The following PREX2 variants were observed in gnomAD, a reference collection of about 807,000 sequenced individuals.
The protein encoded by PREX2 is phosphatidylinositol-3,4,5-trisphosphate dependent Rac exchange factor 2.
In PREX2, 107 loss-of-function variants were observed where a neutral mutation model predicts 203.2. The ratio of observed to expected loss-of-function variants is 0.53; its 90% CI spans 0.45 to 0.62. The LOEUF is 0.62. Among genes scored for constraint, PREX2 ranks in the 20% least tolerant of loss-of-function variants. The probability of loss-of-function intolerance (pLI) is 0.00; values close to 1 mark genes in which losing one functional copy is unlikely to be tolerated. For synonymous variants in PREX2, 672 were observed against 663.6 expected, an observed-to-expected ratio of 1.01 and a Z score of -0.19; for missense variants, 1,777 against 1,955.9, an observed-to-expected ratio of 0.91 and a Z score of 1.72.
At chr8:68,054,958 T>C (rs1410239189) in intron 9 of PREX2, among the ~76,000 whole-genome samples, 1 of 152,240 alleles carries the variant, frequency 6.6e-6, no homozygotes, top group Non-Finnish European at 1.5e-5. Context: ...ATCTTATCAA[T>C]AGTGCCTCCT....
At chr8:68,072,181 G>A (rs536247587) in intron 13 of PREX2, among the ~76,000 whole-genome samples, 121 of 152,202 alleles carry the variant, frequency 7.9e-4, no homozygotes, top group African/African-American at 2.8e-3. Flanking sequence ...TGTTAAGTGT[G>A]GACTTACTAT....
intron 34 of PREX2, among the ~76,000 whole-genome samples, chr8:68,151,477 C>T (rs114284607): frequency 0.011 from 1,731 of 152,186 alleles, 36 homozygotes; most frequent in African/African-American, 0.04. Context: ...AGGACTTTGT[C>T]ATCTCTTTTT....
intron 35 of PREX2, among the ~76,000 whole-genome samples, chr8:68,165,514 A>C (rs1037433272): frequency 1.3e-5 from 2 of 152,018 alleles, no homozygotes; most frequent in Admixed American, 6.6e-5. Flanking sequence ...CATTCCCCAG[A>C]ACCAGAAGTT....
At chr8:68,057,079 G>T (rs1808700688) in intron 10 of PREX2, among the ~76,000 whole-genome samples, 1 of 152,094 alleles carries the variant, frequency 6.6e-6, no homozygotes. Context: ...CACGTGTCAG[G>T]GGAGGCAACT....
At chr8:68,175,671 T>C (rs1166220035) in intron 35 of PREX2, among the ~76,000 whole-genome samples, 2 of 152,144 alleles carry the variant, frequency 1.3e-5, no homozygotes, top group African/African-American at 4.8e-5. Context: ...GTGTTCCTGC[T>C]CTCATAATGA....
intron 8 of PREX2, among the ~76,000 whole-genome samples, chr8:68,050,526 C>G (rs1279801871): frequency 6.6e-6 from 1 of 152,196 alleles, no homozygotes; most frequent in African/African-American, 2.4e-5. Flanking sequence ...TATCCAATCT[C>G]CTCCCACCAG....
At chr8:68,057,221 G>A (rs191803780) in intron 10 of PREX2, among the ~76,000 whole-genome samples, 6 of 152,188 alleles carry the variant, frequency 3.9e-5, no homozygotes, top group Admixed American at 2.6e-4. Context: ...ACCTGCTGCC[G>A]TGTAAGGTGT....
chr8:68,016,316 G>A (rs1253037212), intron 1 of PREX2, among the ~76,000 whole-genome samples: 10 of 151,644 alleles, frequency 6.6e-5, no homozygotes, highest in African/African-American at 1.7e-4. Flanking sequence ...TATGTATGTA[G>A]CAAATATGCC....
chr8:67,970,993 G>T (rs1805910189), intron 1 of PREX2, among the ~76,000 whole-genome samples: 1 of 152,286 alleles, frequency 6.6e-6, no homozygotes, highest in Non-Finnish European at 1.5e-5. Flanking sequence ...TGTTGAAAAG[G>T]TTGTCCCATT....
At chr8:68,026,946 A>C (rs1055741355) in intron 4 of PREX2, among the ~76,000 whole-genome samples, 1 of 152,024 alleles carries the variant, frequency 6.6e-6, no homozygotes, top group African/African-American at 2.4e-5. Context: ...CCATTCATTC[A>C]TCTCTCCATC....
At chr8:68,074,784 C>T (rs372768968) in intron 14 of PREX2, among the ~76,000 whole-genome samples, 4 of 152,084 alleles carry the variant, frequency 2.6e-5, no homozygotes, top group East Asian at 1.9e-4. Context: ...TTGATTTGGA[C>T]GGTTTTAGAA....
intron 23 of PREX2, chr8:68,106,324 T>A (rs1462648038): frequency 1.9e-6 from 1 of 514,960 alleles, no homozygotes; most frequent in Admixed American, 2.0e-5. Context: ...AAACTCTATG[T>A]CCCATATAAG....
intron 23 of PREX2, chr8:68,105,272 CTT>C (rs1337824059): frequency 7.3e-7 from 1 of 1,367,794 alleles, no homozygotes; most frequent in Non-Finnish European, 9.8e-7. Flanking sequence ...CTCCTCCTCT[CTT>C]AGGAATATCC....
intron 34 of PREX2, among the ~76,000 whole-genome samples, chr8:68,152,289 G>GAAAAT (rs1811451800): frequency 1.4e-5 from 1 of 72,920 alleles, no homozygotes; most frequent in Non-Finnish European, 2.4e-5. Context: ...CCCTCTCAGA[G>GAAAAT]AAAAAAAAAA....
chr8:67,991,852 A>T (rs542197688), intron 1 of PREX2, among the ~76,000 whole-genome samples: 41 of 152,344 alleles, frequency 2.7e-4, no homozygotes, highest in African/African-American at 9.4e-4. Flanking sequence ...TGGGCCCAGT[A>T]CAGTCAGGAT....
chr8:68,189,183 A>G (rs2129614605), intron 35 of PREX2, among the ~76,000 whole-genome samples: 1 of 152,344 alleles, frequency 6.6e-6, no homozygotes, highest in South Asian at 2.1e-4. Context: ...CTACATAAGT[A>G]CCTGTACAAT....
chr8:68,045,101 A>G (rs1316577439), intron 8 of PREX2, among the ~76,000 whole-genome samples: 2 of 152,056 alleles, frequency 1.3e-5, no homozygotes, highest in Non-Finnish European at 2.9e-5. Context: ...TAAATATCTT[A>G]TTACTCAAAG....
rs748493397 is a variant in PREX2 at position 68,055,983 on chromosome 8, G to C, written c.1238+9G>C. ...AAATGCTTTCTTGGAAGGTAGGGTT[G>C]GGAGTTTGGGTGCATGACTTTCTTT... On this transcript the variant is annotated intron_variant, in intron 10 of 39. Transcript: ENST00000288368. 6.2e-7 allele frequency: 1 copy of C among 1,601,378 alleles called. No homozygotes were observed. Among genetic ancestry groups the C allele is most frequent in the Admixed American group, 1.8e-5 (1 of 56,528 alleles).
chr8:67,974,384 C>T (rs7387257), intron 1 of PREX2, among the ~76,000 whole-genome samples: 55,857 of 151,874 alleles, frequency 0.37, 10,551 homozygotes, highest in East Asian at 0.61. Context: ...AAAGCATTCT[C>T]ATAAACTTGA....
Sources: allele counts gnomAD v4.1 joint callset (sites outside exome capture counted in the v4.1 genomes callset), GRCh38; gene constraint gnomAD v4.1.1; transcripts MANE v1.5; gene names NCBI Gene and HGNC (gene_info 2026-07-23, HGNC 2026-07-21).